MMS22L: variants seen among roughly 807,000 people sequenced by gnomAD.
MMS22L encodes the protein MMS22 like, DNA repair protein.
In MMS22L, 74 loss-of-function variants were observed where a neutral mutation model predicts 159.1. The ratio of observed to expected loss-of-function variants is 0.47; its 90% CI spans 0.39 to 0.56. The LOEUF is 0.56. Among genes scored for constraint, MMS22L ranks in the 20% least tolerant of loss-of-function variants. The pLI, the probability that MMS22L is intolerant of heterozygous loss-of-function variation, is 0.00. For synonymous variants in MMS22L, 517 were observed against 506.9 expected, an observed-to-expected ratio of 1.02 and a Z score of -0.27; for missense variants, 1,351 against 1,422.1, an observed-to-expected ratio of 0.95 and a Z score of 0.80.
intron 6 of MMS22L, 172 bp from the exon 7 acceptor site, chr6:97,270,164 G>A: frequency 3.1e-6 from 2 of 644,044 alleles, no homozygotes; most frequent in Non-Finnish European, 5.5e-6. Flanking sequence ...TTCTTTCACT[G>A]AAGATCTTTG....
At chr6:97,164,574 T>C (rs1802772353) in intron 21 of MMS22L, among the ~76,000 whole-genome samples, 1 of 151,932 alleles carries the variant, frequency 6.6e-6, no homozygotes, top group South Asian at 2.1e-4. Flanking sequence ...TTTCCAATAT[T>C]AGCATTCATT....
At position 97,199,696 on chromosome 6, in the gene MMS22L, CTTG is replaced by C. The variant is rs1806934713; in HGVS notation, c.2040-13009_2040-13007del. Among the ~76,000 whole-genome samples, 5 of 151,586 alleles carry C rather than the reference CTTG, an allele frequency of 3.3e-5. No individual in the cohort carries two copies. In the South Asian group the frequency reaches 1.0e-3, roughly 32 times the overall value. On this transcript the variant is annotated intron_variant, in intron 14 of 24. Coordinates refer to ENST00000683635, the MANE Select transcript of MMS22L (RefSeq NM_001350599.2). Reference sequence around the variant, plus strand: ...ACCTCATCATCAGCTCCAATAGTGACTTGTTTTTTTTTTTCTTTTTGGATTTCA... The same window carrying C: ...ACCTCATCATCAGCTCCAATAGTGACTTTTTTTTTTTCTTTTTGGATTTCA...
intron 14 of MMS22L, among the ~76,000 whole-genome samples, chr6:97,205,774 T>C (rs1383855008): frequency 6.6e-6 from 1 of 152,186 alleles, no homozygotes; most frequent in African/African-American, 2.4e-5. Context: ...ATTTCCAAGC[T>C]AACAAATGCT....
At chr6:97,200,466 T>C (rs549564095) in intron 14 of MMS22L, among the ~76,000 whole-genome samples, 45 of 152,292 alleles carry the variant, frequency 3.0e-4, no homozygotes, top group African/African-American at 9.6e-4. Flanking sequence ...ATAGCACTAA[T>C]TTCTTTTTGC....
In MMS22L at chr6:97,246,607, TGTC is replaced by T. The variant is rs773908583; in HGVS notation, c.1182+18_1182+20del. On this transcript the variant is annotated intron_variant, in intron 11 of 24. Transcript: ENST00000683635. ...TAAAAATTAAGCAAAATCCACAAAC[TGTC>T]TTACTTTAATTGCATACCTGAACAC... is the stretch of plus-strand genomic sequence containing the variant. 3 of 1,577,554 alleles carry T rather than the reference TGTC, an allele frequency of 1.9e-6. No homozygotes were observed.
At chr6:97,215,992 T>G (rs147954819) in intron 14 of MMS22L, among the ~76,000 whole-genome samples, 1 of 152,150 alleles carries the variant, frequency 6.6e-6, no homozygotes, top group African/African-American at 2.4e-5. Context: ...CAATTGAAAT[T>G]AAGAGTTTCA....
In MMS22L at chr6:97,151,915, C is replaced by A. The variant is rs752821038; in HGVS notation, c.3386-48G>T. The A allele has an allele frequency of 2.8e-6, 4 of 1,406,620 alleles. No individual in the cohort carries two copies. The East Asian group carries it at 9.2e-5, about 32-fold the overall frequency. 87.1% of individuals were successfully genotyped at this position (1,406,620 alleles called of 1,614,324 possible). ...TAGGCACTGTGTCTGAATTGACCAT[C>A]TGGATCCTCATTTTTATGAACACTC... On this transcript the variant is annotated intron_variant, in intron 22 of 24. Transcript: ENST00000683635.
chr6:97,281,340 A>C lies in MMS22L; in HGVS notation c.187T>G (p.Leu63Val). ...LKRLILNLDPLPTNFEEDTLE... is the reference protein window; with the variant it reads ...LKRLILNLDPVPTNFEEDTLE... ...GTATCTTCTTCAAAATTAGTTGGTA[A>C]AGGGTCAAGATTCAAAATCAATCTG... The change falls in exon 3 of 25, where the codon TTA (leucine) becomes GTA (valine). Residue 63 changes from leucine to valine, a missense_variant. Leu to Val is a conservative substitution (Grantham distance 32). Transcript: ENST00000683635. The C allele has an allele frequency of 6.2e-7, 1 of 1,605,452 alleles. No individual in the cohort carries two copies. Among genetic ancestry groups the C allele is most frequent in the Middle Eastern group, 1.7e-4 (1 of 6,034 alleles).
intron 24 of MMS22L, 57 bp downstream of exon 24, chr6:97,149,796 G>A: frequency 7.0e-7 from 1 of 1,433,856 alleles, no homozygotes. Context: ...TCTATAAAAT[G>A]AAATATAAAT....
chr6:97,159,002 G>A (rs1038629663), intron 22 of MMS22L, among the ~76,000 whole-genome samples: 16 of 152,038 alleles, frequency 1.1e-4, no homozygotes, highest in Non-Finnish European at 2.9e-5. Context: ...TGTATTGGGT[G>A]CATATACATT....
intron 7 of MMS22L, among the ~76,000 whole-genome samples, chr6:97,268,373 A>G (rs1251021854): frequency 6.6e-6 from 1 of 152,016 alleles, no homozygotes; most frequent in Admixed American, 6.6e-5. Flanking sequence ...TATTTTTAGT[A>G]GAGACGGGGT....
chr6:97,160,172 AATAATT>A (rs1201326353), intron 22 of MMS22L, among the ~76,000 whole-genome samples: 8 of 151,988 alleles, frequency 5.3e-5, no homozygotes, highest in African/African-American at 1.9e-4. Flanking sequence ...ATACTGTCTT[AATAATT>A]ATATGATAAT....
In MMS22L at chr6:97,179,458, A is replaced by G; in HGVS notation, c.2486T>C (p.Leu829Pro). The change falls in exon 17 of 25, where the codon CTC becomes CCC. Residue 829 changes from leucine (L) to proline (P), a missense_variant. Transcript: ENST00000683635. Reference sequence around the variant, plus strand: ...TATGAGCAAATCATCAGGCCCAGAGAGGTTTTTAATATACATTTGCAAAAC... The same window carrying G: ...TATGAGCAAATCATCAGGCCCAGAGGGGTTTTTAATATACATTTGCAAAAC... ...RCVLQMYIKN[L>P]SGPDDLLIDK... 1 of 1,613,684 alleles carries G rather than the reference A, an allele frequency of 6.2e-7. No individual in the cohort carries two copies. The highest frequency in any genetic ancestry group is 1.1e-5 in the South Asian group (1 of 91,034).
At chr6:97,220,957 GACACACACACACACACACACACACAC>G (rs71012586) in intron 14 of MMS22L, among the ~76,000 whole-genome samples, 11 of 143,604 alleles carry the variant, frequency 7.7e-5, no homozygotes, top group South Asian at 2.3e-4. Context: ...TAAGACCCCT[GACACACACACACACACACACACACAC>G]ACACACACAC....
At chr6:97,162,226 G>T in intron 21 of MMS22L, 61 bp from the exon 22 acceptor site, 1 of 1,451,118 alleles carries the variant, frequency 6.9e-7, no homozygotes, top group Non-Finnish European at 9.3e-7. Flanking sequence ...AAGACCAAAT[G>T]GCATATAATT....
chr6:97,234,553 C>T (rs927174142), intron 11 of MMS22L, among the ~76,000 whole-genome samples: 1 of 152,136 alleles, frequency 6.6e-6, no homozygotes, highest in Non-Finnish European at 1.5e-5. Flanking sequence ...GAATTCCAAT[C>T]ATTCAACAAT....
intron 9 of MMS22L, chr6:97,258,537 C>T (rs1814082966): frequency 1.3e-5 from 2 of 152,030 alleles, no homozygotes; most frequent in South Asian, 4.2e-4. Flanking sequence ...ATATATAGTC[C>T]TATATATTAA....
chr6:97,270,344 C>T (rs1815599499), intron 6 of MMS22L: 3 of 454,208 alleles, frequency 6.6e-6, no homozygotes, highest in African/African-American at 4.0e-5. Context: ...TAGAATTTAG[C>T]TAGGAAATTT....
rs1417298112 is a variant in MMS22L, at chr6:97,178,677, GAAGT to G, written c.2537-96_2537-93del. ...CAACATATATATAATGTATATATGA[GAAGT>G]AATACAGTATTCTTCACTTATGACA... On this transcript the variant is annotated intron_variant, in intron 17 of 24. Transcript: ENST00000683635. 19 of 559,838 alleles carry G rather than the reference GAAGT, an allele frequency of 3.4e-5. No homozygotes were observed. In the East Asian group the frequency reaches 5.4e-4, roughly 16 times the overall value. 34.7% of individuals were successfully genotyped at this position (559,838 alleles called of 1,614,324 possible). A position where few individuals can be genotyped will look rare whatever the true frequency, so the allele number is the denominator to read the frequency against.
Sources: gnomAD v4.1 joint callset for allele counts (sites outside exome capture counted in the v4.1 genomes callset) on GRCh38, gnomAD v4.1.1 for gene constraint, MANE v1.5 for transcripts, NCBI Gene and HGNC (gene_info 2026-07-23, HGNC 2026-07-21) for gene names.